Variants in TRDN observed in about 807,000 individuals in gnomAD.
TRDN encodes the protein triadin in skeletal muscle.
A neutral mutation model predicts 149.7 loss-of-function variants in TRDN; 161 were observed. The ratio of observed to expected loss-of-function variants is 1.08; its 90% CI spans 0.95 to 1.23. The LOEUF (loss-of-function observed/expected upper bound fraction) is 1.23. Ranked by LOEUF, TRDN falls within the 50% of genes most tolerant of loss-of-function variation. TRDN has a pLI of 0.00. For missense variants in TRDN, 896 were observed against 823.5 expected, an observed-to-expected ratio of 1.09 and a Z score of -1.08; for synonymous variants, 294 against 250.5, an observed-to-expected ratio of 1.17 and a Z score of -1.64.
At chr6:123,240,186 A>G (rs1011781790) in intron 38 of TRDN, among the ~76,000 whole-genome samples, 1 of 151,960 alleles carries the variant, frequency 6.6e-6, no homozygotes, top group African/African-American at 2.4e-5. Flanking sequence ...CAGTATTTGT[A>G]TTATCCAGTT....
In TRDN at chr6:123,229,745, T is replaced by C. The variant is rs572622974; in HGVS notation, c.1976-5614A>G. Among the ~76,000 whole-genome samples, 274 of 151,946 alleles carry C rather than the reference T, an allele frequency of 1.8e-3. 3 individuals carry two copies. Among genetic ancestry groups the C allele is most frequent in the Non-Finnish European group, 2.8e-3 (188 of 67,924 alleles). ...TATGGACTCTAATAAATATGGACTC[T>C]AATTACAATTGGCTGATAAAAATTC... On this transcript the variant is annotated intron_variant, in intron 38 of 40. Coordinates refer to ENST00000334268, the MANE Select transcript of TRDN (RefSeq NM_006073.4).
At position 123,485,386 on chromosome 6, in the gene TRDN, G is replaced by T. The variant is rs77048601; in HGVS notation, c.853+11807C>A. Among the ~76,000 whole-genome samples, 942 of 152,212 alleles carry T rather than the reference G, an allele frequency of 6.2e-3. 8 individuals carry two copies. The highest frequency in any genetic ancestry group is 0.021 in the African/African-American group (884 of 41,528). ...TTTCTACAAATGAATAAAAATTGCT[G>T]CTCTGGGATGATCATCAAATTTTTT... On this transcript the variant is annotated intron_variant, in intron 9 of 40. Transcript: ENST00000334268.
At chr6:123,270,721 C>T (rs1403734641) in intron 30 of TRDN, among the ~76,000 whole-genome samples, 1 of 151,876 alleles carries the variant, frequency 6.6e-6, no homozygotes, top group Non-Finnish European at 1.5e-5. Context: ...AACCATATCC[C>T]TCTCTATGGA....
Position 123,284,814 on chromosome 6 carries a change from G to A in TRDN, c.1511-5732C>T, listed in dbSNP as rs145547331. On this transcript the variant is annotated intron_variant, in intron 24 of 40. Coordinates refer to ENST00000334268, the MANE Select transcript of TRDN (RefSeq NM_006073.4). Reference sequence around the variant, plus strand: ...AGAACTGATAAATGAATTCAGCAAAGTTTGAGGATACAAAATTAATGTACA... The same window carrying A: ...AGAACTGATAAATGAATTCAGCAAAATTTGAGGATACAAAATTAATGTACA... Among the ~76,000 whole-genome samples, 346 of 152,198 alleles carry A rather than the reference G, an allele frequency of 2.3e-3. 2 individuals are homozygous for A. The highest frequency in any genetic ancestry group is 5.5e-3 in the African/African-American group (228 of 41,538).
chr6:123,551,203 G>T (rs1465088510), intron 2 of TRDN, among the ~76,000 whole-genome samples: 10 of 118,046 alleles, frequency 8.5e-5, no homozygotes, highest in African/African-American at 1.3e-4. Context: ...GTATTTTGCA[G>T]ATATATATAT....
intron 1 of TRDN, among the ~76,000 whole-genome samples, chr6:123,623,277 A>G: frequency 6.6e-6 from 1 of 152,038 alleles, no homozygotes; most frequent in Non-Finnish European, 1.5e-5. Flanking sequence ...AATCCCCTCT[A>G]TTGACATAAA....
At chr6:123,571,778 A>G (rs1488346179) in intron 1 of TRDN, among the ~76,000 whole-genome samples, 1 of 151,974 alleles carries the variant, frequency 6.6e-6, no homozygotes, top group Non-Finnish European at 1.5e-5. Flanking sequence ...TCATTAGCAC[A>G]TTGTCTTTTA....
intron 38 of TRDN, among the ~76,000 whole-genome samples, chr6:123,236,119 G>A (rs60207322): frequency 0.053 from 8,074 of 152,124 alleles, 634 homozygotes; most frequent in African/African-American, 0.19. Flanking sequence ...TTGCCTTCCC[G>A]ACAGCAATGT....
intron 4 of TRDN, among the ~76,000 whole-genome samples, chr6:123,540,134 C>T (rs550504210): frequency 2.0e-5 from 3 of 152,294 alleles, no homozygotes; most frequent in South Asian, 4.1e-4. Flanking sequence ...TTTCCAAGGG[C>T]GGGGGCCCAT....
At chr6:123,359,856 T>C (rs961645971) in intron 20 of TRDN, among the ~76,000 whole-genome samples, 6 of 151,908 alleles carry the variant, frequency 3.9e-5, no homozygotes, top group Non-Finnish European at 8.8e-5. Context: ...CCACCACGCC[T>C]GGCTAATTTT....
intron 1 of TRDN, among the ~76,000 whole-genome samples, chr6:123,635,323 A>AC: frequency 6.8e-6 from 1 of 147,268 alleles, no homozygotes; most frequent in East Asian, 2.0e-4. Flanking sequence ...CAGAAAAGAA[A>AC]ACACACACAC....
In TRDN at chr6:123,300,246, C is replaced by G. The variant is rs2114667619; in HGVS notation, c.1510+16211G>C. On this transcript the variant is annotated intron_variant, in intron 24 of 40. Transcript: ENST00000334268. The stretch of plus-strand genomic sequence containing the variant: ...TATTTTTTAAAAGGAAAGAAAAGAG[C>G]ATTATTTTTAAATTCCCATAAAGTA... Among the ~76,000 whole-genome samples, 2 of 151,940 alleles carry G rather than the reference C, an allele frequency of 1.3e-5. 1 individual carries two copies. The highest frequency in any genetic ancestry group is 1.3e-4 in the Admixed American group (2 of 15,230).
chr6:123,230,557 A>G (rs1255908033), intron 38 of TRDN, among the ~76,000 whole-genome samples: 4 of 144,210 alleles, frequency 2.8e-5, no homozygotes, highest in Admixed American at 7.1e-5. Flanking sequence ...ATAATAATAA[A>G]AAGAAAAATG....
intron 1 of TRDN, among the ~76,000 whole-genome samples, chr6:123,575,340 A>C (rs1351710927): frequency 2.6e-5 from 4 of 152,072 alleles, no homozygotes; most frequent in Non-Finnish European, 4.4e-5. Flanking sequence ...GCCAAGAGGA[A>C]TAAAATTGAG....
intron 8 of TRDN, among the ~76,000 whole-genome samples, chr6:123,499,719 A>AAAAAAAAAAATAT: frequency 2.9e-4 from 14 of 47,680 alleles, no homozygotes; most frequent in African/African-American, 7.8e-4. Context: ...AAAAAAAAAA[A>AAAAAAAAAAATAT]ATATATATAT....
intron 18 of TRDN, among the ~76,000 whole-genome samples, chr6:123,376,374 G>A (rs1781504197): frequency 6.6e-6 from 1 of 152,078 alleles, no homozygotes; most frequent in Admixed American, 6.6e-5. Flanking sequence ...GCTGAAATGT[G>A]CAATTATTGC....
rs371868337 is a variant in TRDN, at chr6:123,595,165, C to T, written c.23-24033G>A. Among the ~76,000 whole-genome samples, 8 of 152,246 alleles carry T rather than the reference C, an allele frequency of 5.3e-5. No homozygotes were observed. The East Asian group carries it at 7.7e-4, about 15-fold the overall frequency. ...TTAAACTGAGAATAATCTATAACAT[C>T]TAAGTCTTAATTATGTAAAGCAGAA... On this transcript the variant is annotated intron_variant, in intron 1 of 40. Coordinates refer to ENST00000334268, the MANE Select transcript of TRDN (RefSeq NM_006073.4).
intron 24 of TRDN, among the ~76,000 whole-genome samples, chr6:123,308,491 A>G (rs1400410842): frequency 6.6e-6 from 1 of 151,930 alleles, no homozygotes; most frequent in Non-Finnish European, 1.5e-5. Flanking sequence ...ACAATATATA[A>G]GTATTCCTTT....
chr6:123,436,859 A>G (rs943678547), intron 12 of TRDN, among the ~76,000 whole-genome samples: 1 of 152,240 alleles, frequency 6.6e-6, no homozygotes, highest in East Asian at 1.9e-4. Flanking sequence ...CATATACACA[A>G]GCCCTAGAAG....
Sources: allele counts gnomAD v4.1 joint callset (sites outside exome capture counted in the v4.1 genomes callset), GRCh38; gene constraint gnomAD v4.1.1; transcripts MANE v1.5; gene names NCBI Gene and HGNC (gene_info 2026-07-23, HGNC 2026-07-21).